The following SRPK2 variants were observed in gnomAD, a reference collection of about 807,000 sequenced individuals.
The protein encoded by SRPK2 is SRSF protein kinase 2, also known as SFRS protein kinase 2.
In SRPK2, 21 loss-of-function variants were observed where a neutral mutation model predicts 90.8. The observed-to-expected ratio is 0.23, with a 90% CI of 0.16 to 0.33. The LOEUF (loss-of-function observed/expected upper bound fraction) is 0.33. Ranked by LOEUF, SRPK2 falls within the 10% of genes least tolerant of loss-of-function variation. The pLI is 1.00. For missense variants in SRPK2, 620 were observed against 869.0 expected (o/e 0.71, Z 3.60); for synonymous variants, 288 against 311.1 (o/e 0.93, Z 0.78).
intron 7 of SRPK2, among the ~76,000 whole-genome samples, chr7:105,153,257 G>A (rs1805996001): frequency 6.6e-6 from 1 of 152,180 alleles, no homozygotes; most frequent in Admixed American, 6.5e-5. Context: ...AGAAGGCTAA[G>A]TCTAGGGCTG....
rs1348024535 is a variant in SRPK2 at position 105,170,870 on chromosome 7, A to G, written c.230-1605T>C. Among the ~76,000 whole-genome samples the G allele has an allele frequency of 1.6e-5, 2 of 125,860 alleles. 1 individual carries two copies. The highest frequency in any genetic ancestry group is 5.5e-4 in the South Asian group (2 of 3,652). 82.6% of individuals were successfully genotyped at this position (125,860 alleles called of 152,430 possible). ...AAGAAAGAAAGAAAGAAAGAAAGAA[A>G]GAAAGAAAGAAAGAAAGAAAGAAAG... is the stretch of plus-strand genomic sequence containing the variant. On this transcript the variant is annotated intron_variant, in intron 3 of 15. Coordinates refer to ENST00000393651, the MANE Select transcript of SRPK2 (RefSeq NM_182692.3).
intron 2 of SRPK2, among the ~76,000 whole-genome samples, chr7:105,220,709 T>C (rs1302966913): frequency 1.3e-5 from 2 of 152,190 alleles, no homozygotes; most frequent in Non-Finnish European, 2.9e-5. Flanking sequence ...ACCACTCCAG[T>C]TGAATGTCAC....
chr7:105,352,623 G>C (rs1223855293), intron 2 of SRPK2, among the ~76,000 whole-genome samples: 1 of 152,262 alleles, frequency 6.6e-6, no homozygotes, highest in Non-Finnish European at 1.5e-5. Context: ...CTAGGGGCTG[G>C]GTGTGGTGGC....
chr7:105,141,726 T>C lies in SRPK2; in HGVS notation c.1543+282A>G, dbSNP rs73404071. 3.2e-3 allele frequency among the ~76,000 whole-genome samples: 489 copies of C among 152,374 alleles called. 3 individuals are homozygous for C. The highest frequency in any genetic ancestry group is 0.011 in the African/African-American group (471 of 41,592). ...CTACACATTCTAGAAAGGTGTAAGTTGCTAAAACTGGAAGGTTTTTGCAAA... is the reference window on the plus strand; with the variant it reads ...CTACACATTCTAGAAAGGTGTAAGTCGCTAAAACTGGAAGGTTTTTGCAAA... On this transcript the variant is annotated intron_variant, in intron 11 of 15. Coordinates refer to ENST00000393651, the MANE Select transcript of SRPK2 (RefSeq NM_182692.3).
intron 2 of SRPK2, among the ~76,000 whole-genome samples, chr7:105,304,683 T>C (rs1370214637): frequency 6.6e-6 from 1 of 152,208 alleles, no homozygotes; most frequent in Non-Finnish European, 1.5e-5. Context: ...CTTACTTAGA[T>C]GACTCAAAGA....
At chr7:105,129,978 G>A (rs1319185363) in intron 13 of SRPK2, among the ~76,000 whole-genome samples, 1 of 152,156 alleles carries the variant, frequency 6.6e-6, no homozygotes, top group Non-Finnish European at 1.5e-5. Flanking sequence ...AGTCCTATCA[G>A]AGACTCTAAT....
chr7:105,336,154 G>A (rs918182122), intron 2 of SRPK2, among the ~76,000 whole-genome samples: 1 of 151,902 alleles, frequency 6.6e-6, no homozygotes, highest in Admixed American at 6.6e-5. Context: ...CCACCTACTG[G>A]TTAAATTCAT....
intron 7 of SRPK2, among the ~76,000 whole-genome samples, chr7:105,149,498 G>C (rs1805269758): frequency 1.3e-5 from 2 of 152,126 alleles, no homozygotes; most frequent in South Asian, 2.1e-4. Context: ...AAAACTGAGG[G>C]AACTCAGAGA....
At chr7:105,123,061 C>G (rs1743063526) in intron 15 of SRPK2, among the ~76,000 whole-genome samples, 1 of 152,078 alleles carries the variant, frequency 6.6e-6, no homozygotes, top group African/African-American at 2.4e-5. Context: ...TGGGGACCAC[C>G]CACTTCTTGA....
chr7:105,208,087 TAC>T (rs1188991845), intron 2 of SRPK2, among the ~76,000 whole-genome samples: 1 of 152,112 alleles, frequency 6.6e-6, no homozygotes, highest in African/African-American at 2.4e-5. Context: ...AAATCAAAAC[TAC>T]AGTCTGACAC....
At chr7:105,177,349 T>G (rs1332151810) in intron 3 of SRPK2, among the ~76,000 whole-genome samples, 3 of 152,150 alleles carry the variant, frequency 2.0e-5, no homozygotes, top group Non-Finnish European at 2.9e-5. Flanking sequence ...TGAAAGGATA[T>G]CTTTAGATTA....
intron 2 of SRPK2, among the ~76,000 whole-genome samples, chr7:105,229,232 C>G (rs549689110): frequency 1.2e-4 from 18 of 152,180 alleles, no homozygotes; most frequent in African/African-American, 4.3e-4. Flanking sequence ...GGGAGGCCGT[C>G]GCGGGCAGAT....
intron 2 of SRPK2, among the ~76,000 whole-genome samples, chr7:105,224,432 A>C (rs1404170504): frequency 6.6e-6 from 1 of 152,062 alleles, no homozygotes; most frequent in Non-Finnish European, 1.5e-5. Context: ...TAACATGGTG[A>C]AACTCCGTCT....
At chr7:105,208,703 G>A (rs1409589180) in intron 2 of SRPK2, among the ~76,000 whole-genome samples, 1 of 152,160 alleles carries the variant, frequency 6.6e-6, no homozygotes, top group African/African-American at 2.4e-5. Context: ...TGTTAGGAGG[G>A]ATGAAAATGT....
At chr7:105,247,682 T>G (rs1420022917) in intron 2 of SRPK2, among the ~76,000 whole-genome samples, 1 of 151,698 alleles carries the variant, frequency 6.6e-6, no homozygotes, top group Non-Finnish European at 1.5e-5. Flanking sequence ...GTTTAATTCT[T>G]GGTATTTTAA....
intron 3 of SRPK2, chr7:105,189,903 C>T (rs991124149): frequency 3.3e-5 from 5 of 152,398 alleles, no homozygotes; most frequent in African/African-American, 4.8e-5. Flanking sequence ...GGTGAGGCCA[C>T]TGGCTATAGG....
At chr7:105,324,157 C>G (rs540807381) in intron 2 of SRPK2, among the ~76,000 whole-genome samples, 1 of 151,614 alleles carries the variant, frequency 6.6e-6, no homozygotes, top group East Asian at 1.9e-4. Context: ...CCACCATGCC[C>G]GGGTAATTAT....
At chr7:105,286,920 C>T (rs1808176227) in intron 2 of SRPK2, among the ~76,000 whole-genome samples, 1 of 152,102 alleles carries the variant, frequency 6.6e-6, no homozygotes. Flanking sequence ...AATGAATAGC[C>T]GTGCAACTGT....
chr7:105,138,345 T>C (rs1251557813), intron 11 of SRPK2, among the ~76,000 whole-genome samples: 2 of 151,994 alleles, frequency 1.3e-5, no homozygotes. Flanking sequence ...AAGACAAGCA[T>C]GGCCAGCAGG....
Sources: gnomAD v4.1 joint callset for allele counts (sites outside exome capture counted in the v4.1 genomes callset) on GRCh38, gnomAD v4.1.1 for gene constraint, MANE v1.5 for transcripts, NCBI Gene and HGNC (gene_info 2026-07-23, HGNC 2026-07-21) for gene names.